CS: variants seen among roughly 807,000 people sequenced by gnomAD.
CS encodes citrate synthase.
In CS, 13 loss-of-function variants were observed where a neutral mutation model predicts 61.4. The ratio of observed to expected loss-of-function variants is 0.21; its 90% CI spans 0.14 to 0.34. The LOEUF is 0.34. Among genes scored for constraint, CS ranks in the 10% least tolerant of loss-of-function variants. The pLI, the probability that CS is intolerant of heterozygous loss-of-function variation, is 1.00. For missense variants in CS, 278 were observed against 573.4 expected, an observed-to-expected ratio of 0.48 and a Z score of 5.26; for synonymous variants, 159 against 215.2, an observed-to-expected ratio of 0.74 and a Z score of 2.29.
intron 9 of CS, chr12:56,274,043 G>A (rs1872572762): frequency 1.0e-5 from 5 of 496,626 alleles, no homozygotes; most frequent in Non-Finnish European, 1.8e-5. Context: ...GCCGTGTGCG[G>A]TGGCTCATGC....
intron 1 of CS, among the ~76,000 whole-genome samples, chr12:56,293,680 C>G (rs1209806544): frequency 6.6e-6 from 1 of 152,180 alleles, no homozygotes; most frequent in Non-Finnish European, 1.5e-5. Flanking sequence ...CGCCATTGCA[C>G]TCCAGCCTGG....
chr12:56,285,940 C>T lies in CS; in HGVS notation c.177G>A (p.Val59=), dbSNP rs200054485. Residue 59 remains valine, a synonymous_variant, in exon 3 of 11, where the codon GTG becomes GTA. Coordinates refer to ENST00000351328, the MANE Select transcript of CS (RefSeq NM_004077.3). Reference sequence around the variant, plus strand: ...CCATGTCCACAGTGATTTGGCCCACCACCGTCTTGCCATGTTGCTGCCTGA... The same window carrying T: ...CCATGTCCACAGTGATTTGGCCCACTACCGTCTTGCCATGTTGCTGCCTGA... ...KTFRQQHGKT[V]VGQITVDMMY... is the part of the protein sequence containing the mutation. 6.2e-7 allele frequency: 1 copy of T among 1,612,494 alleles called. No individual in the cohort carries two copies. The highest frequency in any genetic ancestry group is 1.3e-5 in the African/African-American group (1 of 74,900).
chr12:56,285,597 T>C (rs1322512931), intron 3 of CS, among the ~76,000 whole-genome samples: 1 of 152,220 alleles, frequency 6.6e-6, no homozygotes, highest in Non-Finnish European at 1.5e-5. Flanking sequence ...GTTTGATTCC[T>C]TTTCTTATTG....
At chr12:56,277,094 C>T (rs1183370487) in intron 6 of CS, among the ~76,000 whole-genome samples, 1 of 151,298 alleles carries the variant, frequency 6.6e-6, no homozygotes, top group African/African-American at 2.4e-5. Flanking sequence ...ATCCCAGCTA[C>T]TCGGGAGGCT....
At chr12:56,280,017 C>T (rs186445848) in intron 6 of CS, among the ~76,000 whole-genome samples, 21 of 152,056 alleles carry the variant, frequency 1.4e-4, no homozygotes, top group Non-Finnish European at 2.4e-4. Flanking sequence ...TGGTGGCTCA[C>T]GCCTATAATC....
intron 6 of CS, among the ~76,000 whole-genome samples, chr12:56,280,431 A>C (rs1335058336): frequency 4.8e-5 from 7 of 144,946 alleles, no homozygotes; most frequent in African/African-American, 1.7e-4. Flanking sequence ...AAAACAAAAA[A>C]AAAAAACAAA....
chr12:56,286,636 A>G lies in CS; in HGVS notation c.52T>C (p.Cys18Arg). 1.2e-6 allele frequency: 2 copies of G among 1,614,080 alleles called. No individual in the cohort carries two copies. The highest frequency in any genetic ancestry group is 1.7e-6 in the Non-Finnish European group (2 of 1,179,942). The part of the protein sequence containing the change: ...ARLLGTKNAS[C>R]LVLAARHASA... ...GCATGCCGGGCTGCAAGAACAAGAC[A>G]AGATGCATTCTGCAAAGCAAAAAAG... is the stretch of plus-strand genomic sequence containing the variant. Residue 18 changes from cysteine to arginine, a missense_variant, in exon 2 of 11, where the codon TGT becomes CGT. Around this residue, in one of 2 missense-constraint regions of CS, gnomAD observed 55 missense variants for 69.9 expected, o/e 0.79. Coordinates refer to ENST00000351328, the MANE Select transcript of CS (RefSeq NM_004077.3).
chr12:56,295,606 T>C (rs1271708054), intron 1 of CS, among the ~76,000 whole-genome samples: 2 of 152,084 alleles, frequency 1.3e-5, no homozygotes, highest in Admixed American at 1.3e-4. Flanking sequence ...GGATCTGTCA[T>C]CATAATACTT....
chr12:56,299,574 T>C (rs1165109046), intron 1 of CS, among the ~76,000 whole-genome samples: 1 of 152,006 alleles, frequency 6.6e-6, no homozygotes, highest in Non-Finnish European at 1.5e-5. Context: ...GCTCCTCCTA[T>C]ATAAAAAGTG....
At chr12:56,279,974 C>G (rs569804928) in intron 6 of CS, among the ~76,000 whole-genome samples, 30 of 150,212 alleles carry the variant, frequency 2.0e-4, no homozygotes, top group African/African-American at 7.3e-4. Context: ...TCTCAAAAAA[C>G]AAAACAAAAC....
rs141833651 is a variant in CS, at chr12:56,282,971, A to G, written c.288T>C (p.Phe96=). ...DPDEGIRFRG[F]SIPECQKLLP... is the part of the protein sequence containing the mutation. ...GCAGTTTCTGGCATTCAGGGATACTAAAGCCTCGGAAACGGATGCCCTTGA... is the reference window on the plus strand; with the variant it reads ...GCAGTTTCTGGCATTCAGGGATACTGAAGCCTCGGAAACGGATGCCCTTGA... The change falls in exon 5 of 11, where the codon TTT becomes TTC. Residue 96 remains phenylalanine, a synonymous_variant. Coordinates refer to ENST00000351328, the MANE Select transcript of CS (RefSeq NM_004077.3). 363 of 1,614,200 alleles carry G rather than the reference A, an allele frequency of 2.2e-4. No homozygotes were observed. The African/African-American group carries it at 4.5e-3, about 20-fold the overall frequency.
At chr12:56,291,993 G>A (rs1873139466) in intron 1 of CS, among the ~76,000 whole-genome samples, 1 of 152,238 alleles carries the variant, frequency 6.6e-6, no homozygotes, top group African/African-American at 2.4e-5. Flanking sequence ...TGATAGAGGT[G>A]GGCTGTAGCC....
chr12:56,279,224 GTTAAA>G (rs1872704940), intron 6 of CS, among the ~76,000 whole-genome samples: 2 of 152,240 alleles, frequency 1.3e-5, no homozygotes, highest in Non-Finnish European at 2.9e-5. Flanking sequence ...CTAGAAGCTA[GTTAAA>G]CTCTTTCAAC....
At chr12:56,292,610 C>T (rs975278629) in intron 1 of CS, among the ~76,000 whole-genome samples, 5 of 150,816 alleles carry the variant, frequency 3.3e-5, no homozygotes, top group Admixed American at 6.6e-5. Context: ...GATGGCCTGG[C>T]GCGGTGGCTC....
At chr12:56,285,353 G>A in intron 3 of CS, 1 of 341,878 alleles carries the variant, frequency 2.9e-6, no homozygotes, top group Non-Finnish European at 6.1e-6. Context: ...CATAATCATG[G>A]CTCACTGCAG....
At chr12:56,286,325 T>A in intron 2 of CS, 1 of 528,850 alleles carries the variant, frequency 1.9e-6, no homozygotes. Flanking sequence ...ATTAAAATGG[T>A]AAATTTTATG....
intron 1 of CS, among the ~76,000 whole-genome samples, chr12:56,299,251 C>T (rs1873402006): frequency 6.6e-6 from 1 of 152,074 alleles, no homozygotes; most frequent in Non-Finnish European, 1.5e-5. Context: ...TTACTTAGAA[C>T]TAAAAGTACT....
chr12:56,281,373 CTT>C (rs1565620833), intron 6 of CS, among the ~76,000 whole-genome samples: 1 of 152,170 alleles, frequency 6.6e-6, no homozygotes, highest in African/African-American at 2.4e-5. Flanking sequence ...ATTAAGGACA[CTT>C]TTCATTTTCA....
At chr12:56,300,104 C>A (rs562811244) in intron 1 of CS, 56 bp downstream of exon 1, 2 of 1,529,546 alleles carry the variant, frequency 1.3e-6, no homozygotes, top group Non-Finnish European at 1.8e-6. Context: ...GCCGGAGGGC[C>A]TGCGGTCGCC....
Sources: allele counts gnomAD v4.1 joint callset (sites outside exome capture counted in the v4.1 genomes callset), GRCh38; gene constraint gnomAD v4.1.1; regional missense constraint gnomAD v4.1.1; transcripts MANE v1.5; gene names NCBI Gene and HGNC (gene_info 2026-07-23, HGNC 2026-07-21).